MRAP: variants seen among roughly 807,000 people sequenced by gnomAD.
MRAP encodes melanocortin 2 receptor accessory protein, also known as melanocortin-2 receptor accessory protein.
In MRAP, 8 loss-of-function variants were observed where a neutral mutation model predicts 8.7. The observed-to-expected ratio is 0.92, with a 90% CI of 0.54 to 1.66. MRAP has a LOEUF of 1.66. Among genes scored for constraint, MRAP ranks in the 40% most tolerant of loss-of-function variants. The pLI, the probability that MRAP is intolerant of heterozygous loss-of-function variation, is 0.00. For missense variants in MRAP, 237 were observed against 217.1 expected, an observed-to-expected ratio of 1.09 and a Z score of -0.58; for synonymous variants, 95 against 95.5, an observed-to-expected ratio of 1.00 and a Z score of 0.03.
In MRAP at chr21:32,312,228, T is replaced by G. The variant is rs1028323797; in HGVS notation, c.*232T>G. ...TATTGAGCACACCTAGCCTGCTTGC[T>G]TACTGCTTATATTTGCTCAGGGAAG... On this transcript the variant is annotated 3_prime_UTR_variant, in exon 3 of 3. Coordinates refer to ENST00000303645, the MANE Select transcript of MRAP (RefSeq NM_001379228.1). 3.5e-6 allele frequency: 5 copies of G among 1,443,158 alleles called. No individual in the cohort carries two copies. In the African/African-American group the frequency reaches 7.1e-5, roughly 21 times the overall value. 89.4% of individuals were successfully genotyped at this position (1,443,158 alleles called of 1,614,324 possible).
rs541562271 is a variant in MRAP at position 32,300,752 on chromosome 21, C to T, written c.106+1675C>T. Among the ~76,000 whole-genome samples the T allele has an allele frequency of 4.2e-5, 5 of 119,246 alleles. No individual in the cohort carries two copies. The South Asian group carries it at 8.4e-4, about 20-fold the overall frequency. 78.2% of individuals were successfully genotyped at this position (119,246 alleles called of 152,430 possible). A position where few individuals can be genotyped will look rare whatever the true frequency, so the allele number is the denominator to read the frequency against. ...ATTCGTCCTATGTCAGTGTGTCGTG[C>T]GTCCTATGTCAGGGGCGTCATGCCT... On this transcript the variant is annotated intron_variant, in intron 1 of 2. Transcript: ENST00000303645.
chr21:32,295,245 A>C (rs553392442), upstream of MRAP, among the ~76,000 whole-genome samples: 1 of 152,192 alleles, frequency 6.6e-6, no homozygotes, highest in Non-Finnish European at 1.5e-5. Flanking sequence ...TAAAGTACAC[A>C]TGGAAGGGGG....
chr21:32,304,965 G>GTTTTTTTTTTTTT (rs537525538), intron 1 of MRAP, among the ~76,000 whole-genome samples: 64 of 78,110 alleles, frequency 8.2e-4, no homozygotes, highest in African/African-American at 1.6e-3. Flanking sequence ...TTTTTTTGTT[G>GTTTTTTTTTTTTT]TTTTTTTTTT....
upstream of MRAP, among the ~76,000 whole-genome samples, chr21:32,296,403 TG>T (rs2032139898): frequency 6.6e-6 from 1 of 152,186 alleles, no homozygotes; most frequent in African/African-American, 2.4e-5. Flanking sequence ...CAGAAACATC[TG>T]GAAGTACACA....
intron 2 of MRAP, among the ~76,000 whole-genome samples, chr21:32,308,001 T>TAG (rs2032461087): frequency 6.6e-6 from 1 of 152,172 alleles, no homozygotes; most frequent in African/African-American, 2.4e-5. Flanking sequence ...TATATCTCAC[T>TAG]AAAGCTGTTA....
chr21:32,298,178 A>G (rs1044034060), upstream of MRAP, among the ~76,000 whole-genome samples: 7 of 152,200 alleles, frequency 4.6e-5, no homozygotes, highest in African/African-American at 1.4e-4. Flanking sequence ...GTCAAGCTCT[A>G]CAGAAACCCA....
At chr21:32,305,656 A>G (rs1437827489) in intron 1 of MRAP, among the ~76,000 whole-genome samples, 1 of 152,104 alleles carries the variant, frequency 6.6e-6, no homozygotes, top group African/African-American at 2.4e-5. Flanking sequence ...AATTCTCGTT[A>G]GGTTATCATC....
chr21:32,303,281 C>A (rs958994602), intron 1 of MRAP, among the ~76,000 whole-genome samples: 6 of 152,176 alleles, frequency 3.9e-5, no homozygotes, highest in Admixed American at 6.5e-5. Context: ...CCATGCCCAA[C>A]CACATCTTGA....
intron 2 of MRAP, among the ~76,000 whole-genome samples, chr21:32,307,806 C>G (rs2032456554): frequency 6.6e-6 from 1 of 152,134 alleles, no homozygotes; most frequent in Non-Finnish European, 1.5e-5. Context: ...CCCAGCAGGT[C>G]AAGGCTGCAG....
At chr21:32,313,997 C>T (rs1030026216), downstream of MRAP, 4 of 153,008 alleles carry the variant, frequency 2.6e-5, no homozygotes, top group African/African-American at 4.8e-5. Flanking sequence ...ATTCAAAATC[C>T]CCTCTTTGAA....
Position 32,298,891 on chromosome 21 carries a change from A to G in MRAP, c.-81A>G, listed in dbSNP as rs1321902822. On this transcript the variant is annotated 5_prime_UTR_variant, in exon 1 of 3. Coordinates refer to ENST00000303645, the MANE Select transcript of MRAP (RefSeq NM_001379228.1). ...TGGACGATTCCTGCAGAAATCAGTG[A>G]GGCAGTCTCCTCCCAGGGGCTTGGC... 2.1e-6 allele frequency: 2 copies of G among 932,428 alleles called. No individual in the cohort carries two copies. The highest frequency in any genetic ancestry group is 3.5e-6 in the Non-Finnish European group (2 of 570,228). The allele number at this position is 932,428 out of a possible 1,614,324, so 57.8% of individuals were successfully genotyped here. A position where few individuals can be genotyped will look rare whatever the true frequency, so the allele number is the denominator to read the frequency against.
chr21:32,310,451 C>T (rs1177046375), intron 2 of MRAP, among the ~76,000 whole-genome samples: 3 of 152,174 alleles, frequency 2.0e-5, no homozygotes, highest in Non-Finnish European at 4.4e-5. Flanking sequence ...TGTGCCAGCG[C>T]TGTAACCACA....
upstream of MRAP, among the ~76,000 whole-genome samples, chr21:32,297,963 C>A (rs1207580637): frequency 2.0e-5 from 3 of 152,198 alleles, no homozygotes; most frequent in South Asian, 2.1e-4. Context: ...CCCAGGTTTA[C>A]TCTGATACTG....
In MRAP at chr21:32,312,184, T is replaced by A; in HGVS notation, c.*188T>A. On this transcript the variant is annotated 3_prime_UTR_variant, in exon 3 of 3. Transcript: ENST00000303645. ...AGTGGCCCCTCGAGTGCAGAGGTCA[T>A]CCCAGGTGTTGCTGAGTTTATTGAG... is the stretch of plus-strand genomic sequence containing the variant. 6.7e-7 allele frequency: 1 copy of A among 1,499,446 alleles called. No homozygotes were observed. Among genetic ancestry groups the A allele is most frequent in the East Asian group, 2.5e-5 (1 of 40,542 alleles). The allele number at this position is 1,499,446 out of a possible 1,614,324, so 92.9% of individuals were successfully genotyped here.
chr21:32,295,036 C>G (rs2032115911), upstream of MRAP, among the ~76,000 whole-genome samples: 1 of 150,834 alleles, frequency 6.6e-6, no homozygotes, highest in South Asian at 2.1e-4. Flanking sequence ...GTATTCTATC[C>G]AAGGCAACTA....
chr21:32,309,003 C>T (rs768188814), intron 2 of MRAP, among the ~76,000 whole-genome samples: 34 of 152,172 alleles, frequency 2.2e-4, no homozygotes, highest in Non-Finnish European at 3.7e-4. Flanking sequence ...GAGCCGTGGA[C>T]TCGCGCATTG....
chr21:32,307,375 G>A (rs562891293), intron 2 of MRAP, among the ~76,000 whole-genome samples: 19 of 152,232 alleles, frequency 1.2e-4, no homozygotes, highest in Admixed American at 1.1e-3. Context: ...AGGAGTTCAA[G>A]TTACCAGCCT....
At chr21:32,304,500 A>G (rs935130827) in intron 1 of MRAP, among the ~76,000 whole-genome samples, 3 of 152,100 alleles carry the variant, frequency 2.0e-5, no homozygotes, top group Admixed American at 1.3e-4. Flanking sequence ...CTGTAATCCC[A>G]GCTACTCGGG....
intron 1 of MRAP, among the ~76,000 whole-genome samples, chr21:32,304,824 G>A (rs2032369147): frequency 6.6e-6 from 1 of 152,044 alleles, no homozygotes; most frequent in Non-Finnish European, 1.5e-5. Context: ...GCCAGCCTGG[G>A]GGTCTTTGCT....
Sources: allele counts gnomAD v4.1 joint callset (sites outside exome capture counted in the v4.1 genomes callset), GRCh38; gene constraint gnomAD v4.1.1; transcripts MANE v1.5; gene names NCBI Gene and HGNC (gene_info 2026-07-23, HGNC 2026-07-21).